DLG1: variants seen among roughly 807,000 people sequenced by gnomAD.
The protein encoded by DLG1 is discs large MAGUK scaffold protein 1.
Under a neutral mutation model 123.4 loss-of-function variants are expected in DLG1, and 42 were observed. The ratio of observed to expected loss-of-function variants is 0.34; its 90% CI spans 0.27 to 0.44. The LOEUF (loss-of-function observed/expected upper bound fraction) is 0.44. DLG1 is among the 20% of genes least tolerant of loss of function. The pLI, the probability that DLG1 is intolerant of heterozygous loss-of-function variation, is 1.00. For synonymous variants in DLG1, 317 were observed against 356.2 expected, an observed-to-expected ratio of 0.89 and a Z score of 1.24; for missense variants, 942 against 1,082.6, an observed-to-expected ratio of 0.87 and a Z score of 1.82.
At chr3:197,195,628 C>A (rs1722073129) in intron 4 of DLG1, among the ~76,000 whole-genome samples, 1 of 152,066 alleles carries the variant, frequency 6.6e-6, no homozygotes, top group Non-Finnish European at 1.5e-5. Context: ...AACACAGGAA[C>A]AGAAAACAAA....
At chr3:197,207,548 T>TA (rs1484244768) in intron 4 of DLG1, among the ~76,000 whole-genome samples, 3 of 152,008 alleles carry the variant, frequency 2.0e-5, no homozygotes, top group South Asian at 4.1e-4. Flanking sequence ...GAAATTCTTG[T>TA]AAAAAACCAG....
At chr3:197,203,996 G>A (rs946886273) in intron 4 of DLG1, among the ~76,000 whole-genome samples, 2 of 152,204 alleles carry the variant, frequency 1.3e-5, no homozygotes, top group Non-Finnish European at 1.5e-5. Context: ...GAAGGCCCCG[G>A]TGTAGGTGCT....
chr3:197,187,852 T>TA (rs374554794), intron 5 of DLG1, among the ~76,000 whole-genome samples: 1 of 152,242 alleles, frequency 6.6e-6, no homozygotes, highest in East Asian at 1.9e-4. Flanking sequence ...TTAAGATTTT[T>TA]AAAAAACTAT....
intron 24 of DLG1, among the ~76,000 whole-genome samples, chr3:197,051,244 G>A (rs1379026094): frequency 6.6e-6 from 1 of 152,052 alleles, no homozygotes; most frequent in African/African-American, 2.4e-5. Flanking sequence ...GTGGTGGCAG[G>A]TGCCTGTAAT....
At chr3:197,127,261 A>G (rs1188708537) in intron 11 of DLG1, among the ~76,000 whole-genome samples, 3 of 150,444 alleles carry the variant, frequency 2.0e-5, no homozygotes, top group Non-Finnish European at 1.5e-5. Flanking sequence ...CGTCTCTACT[A>G]AAAATACAAA....
At chr3:197,246,411 T>C (rs1751754007) in intron 4 of DLG1, among the ~76,000 whole-genome samples, 1 of 152,194 alleles carries the variant, frequency 6.6e-6, no homozygotes, top group African/African-American at 2.4e-5. Flanking sequence ...CTCTCTTTAG[T>C]AAGGGAGCTT....
chr3:197,049,904 A>G (rs1191292620), intron 24 of DLG1, among the ~76,000 whole-genome samples: 1 of 152,120 alleles, frequency 6.6e-6, no homozygotes, highest in African/African-American at 2.4e-5. Flanking sequence ...CTCTACAAAA[A>G]TAAAAAATTA....
intron 10 of DLG1, among the ~76,000 whole-genome samples, chr3:197,135,289 T>C (rs1369313003): frequency 1.3e-5 from 2 of 152,118 alleles, no homozygotes; most frequent in Non-Finnish European, 2.9e-5. Flanking sequence ...GTAATCCCCA[T>C]GTGTTGGGGG....
intron 4 of DLG1, among the ~76,000 whole-genome samples, chr3:197,276,007 AT>A (rs2151090293): frequency 6.6e-6 from 1 of 152,336 alleles, no homozygotes; most frequent in Non-Finnish European, 1.5e-5. Flanking sequence ...ATGTATAATT[AT>A]TTATCAATTT....
intron 15 of DLG1, among the ~76,000 whole-genome samples, chr3:197,087,395 G>A (rs11928388): frequency 6.6e-6 from 1 of 151,340 alleles, no homozygotes; most frequent in Admixed American, 6.6e-5. Flanking sequence ...ACAAGACTCA[G>A]GTGTGGTGGT....
Position 197,147,440 on chromosome 3 carries a change from A to G in DLG1, c.537+2303T>C, listed in dbSNP as rs1030687774. Among the ~76,000 whole-genome samples, 42 of 48,834 alleles carry G rather than the reference A, an allele frequency of 8.6e-4. No individual in the cohort carries two copies. In the East Asian group the frequency reaches 0.019, roughly 22 times the overall value. The allele number at this position is 48,834 out of a possible 152,430, so 32.0% of individuals were successfully genotyped here. On this transcript the variant is annotated intron_variant, in intron 6 of 24. Transcript: ENST00000667157. The stretch of plus-strand genomic sequence containing the variant: ...TAAAAAATATATGGTGTGCACACAC[A>G]CACACACACACACACACACACACAC...
At chr3:197,236,846 A>G (rs998424167) in intron 4 of DLG1, among the ~76,000 whole-genome samples, 28 of 152,218 alleles carry the variant, frequency 1.8e-4, no homozygotes, top group Non-Finnish European at 7.4e-5. Context: ...AAGAATATTC[A>G]TCTTTCAAAA....
chr3:197,075,784 T>G (rs370606203), intron 18 of DLG1: 3 of 1,490,216 alleles, frequency 2.0e-6, no homozygotes, highest in Non-Finnish European at 2.8e-6. Context: ...CTGAATAAGG[T>G]AGGTCTGCAG....
chr3:197,204,238 C>T (rs1370427012), intron 4 of DLG1, among the ~76,000 whole-genome samples: 2 of 152,142 alleles, frequency 1.3e-5, no homozygotes, highest in Admixed American at 6.5e-5. Context: ...GAAATGCATA[C>T]GAAACACTAT....
intron 4 of DLG1, among the ~76,000 whole-genome samples, chr3:197,195,374 G>GA (rs1300276578): frequency 8.6e-5 from 13 of 151,704 alleles, no homozygotes; most frequent in East Asian, 3.9e-4. Context: ...CCACTACTGG[G>GA]AAAAAAACCA....
intron 5 of DLG1, among the ~76,000 whole-genome samples, chr3:197,164,810 T>C (rs1800567928): frequency 6.6e-6 from 1 of 151,362 alleles, no homozygotes; most frequent in South Asian, 2.1e-4. Context: ...TAGTCCCAGC[T>C]ACTCGGGAGG....
chr3:197,187,084 G>A lies in DLG1; in HGVS notation c.483+7341C>T, dbSNP rs555579079. Among the ~76,000 whole-genome samples the A allele has an allele frequency of 3.3e-5, 5 of 152,248 alleles. No individual in the cohort carries two copies. The South Asian group carries it at 1.0e-3, about 32-fold the overall frequency. On this transcript the variant is annotated intron_variant, in intron 5 of 24. Transcript: ENST00000667157. ...CTGTATTGAGATAAGACAAGACTGA[G>A]AAGAGTGACAAGAACACAGATTTGC...
chr3:197,058,992 C>T (rs1733878290), intron 23 of DLG1, among the ~76,000 whole-genome samples: 1 of 152,180 alleles, frequency 6.6e-6, no homozygotes, highest in Non-Finnish European at 1.5e-5. Context: ...GTGGCGAGAT[C>T]TCGGCTCACT....
intron 9 of DLG1, among the ~76,000 whole-genome samples, chr3:197,137,721 G>A (rs562543070): frequency 9.9e-4 from 150 of 152,266 alleles, no homozygotes; most frequent in Admixed American, 2.6e-3. Flanking sequence ...TGTAATACCA[G>A]CACTCTGCGG....
Sources: allele counts gnomAD v4.1 joint callset (sites outside exome capture counted in the v4.1 genomes callset), GRCh38; gene constraint gnomAD v4.1.1; transcripts MANE v1.5; gene names NCBI Gene and HGNC (gene_info 2026-07-23, HGNC 2026-07-21).